The following RSPO2 variants were observed in gnomAD, a reference collection of about 807,000 sequenced individuals.
RSPO2 encodes the protein R-spondin 2.
In RSPO2, 14 loss-of-function variants were observed where a neutral mutation model predicts 30.9. The observed-to-expected ratio is 0.45, with a 90% confidence interval of 0.30 to 0.71. The LOEUF is 0.71. Among genes scored for constraint, RSPO2 ranks in the 30% least tolerant of loss-of-function variants. The probability of loss-of-function intolerance (pLI) is 0.08; values close to 1 mark genes in which losing one functional copy is unlikely to be tolerated. For missense variants in RSPO2, 264 were observed against 301.9 expected (o/e 0.87, Z 0.93); for synonymous variants, 107 against 96.4 (o/e 1.11, Z -0.64).
At chr8:107,995,162 T>G (rs974332276) in intron 2 of RSPO2, among the ~76,000 whole-genome samples, 7 of 152,144 alleles carry the variant, frequency 4.6e-5, no homozygotes, top group Non-Finnish European at 1.0e-4. Flanking sequence ...CTATCAACTG[T>G]TCTCTTTTAT....
At chr8:107,933,332 AAAGT>A (rs1812607782) in intron 5 of RSPO2, among the ~76,000 whole-genome samples, 1 of 152,226 alleles carries the variant, frequency 6.6e-6, no homozygotes, top group Non-Finnish European at 1.5e-5. Flanking sequence ...CAACTTTTGA[AAAGT>A]AACTGGCCAA....
At chr8:108,037,839 T>C (rs534358907) in intron 2 of RSPO2, among the ~76,000 whole-genome samples, 1 of 152,256 alleles carries the variant, frequency 6.6e-6, no homozygotes, top group African/African-American at 2.4e-5. Flanking sequence ...TACAGCATGG[T>C]TTACTGAAGG....
chr8:107,906,892 C>G (rs1246776938), intron 5 of RSPO2, among the ~76,000 whole-genome samples: 1 of 151,876 alleles, frequency 6.6e-6, no homozygotes, highest in Non-Finnish European at 1.5e-5. Flanking sequence ...ACATCCATCA[C>G]CTAATATGCT....
intron 2 of RSPO2, among the ~76,000 whole-genome samples, chr8:108,007,936 T>C (rs1230178554): frequency 6.6e-6 from 1 of 151,964 alleles, no homozygotes; most frequent in Non-Finnish European, 1.5e-5. Context: ...GAGCAACATT[T>C]TGAGACCCCG....
chr8:107,971,730 A>AT (rs1470246792), intron 3 of RSPO2, among the ~76,000 whole-genome samples: 6 of 152,130 alleles, frequency 3.9e-5, no homozygotes, highest in Non-Finnish European at 8.8e-5. Context: ...AAAAACACAC[A>AT]TTTTTCACGT....
At chr8:108,077,178 TAAAGA>T (rs1365535903) in intron 2 of RSPO2, among the ~76,000 whole-genome samples, 4 of 152,306 alleles carry the variant, frequency 2.6e-5, no homozygotes, top group African/African-American at 9.6e-5. Context: ...TTAATTTCTT[TAAAGA>T]AAAGAAAATC....
chr8:107,924,175 T>C (rs1450813452), intron 5 of RSPO2, among the ~76,000 whole-genome samples: 1 of 151,136 alleles, frequency 6.6e-6, no homozygotes, highest in East Asian at 1.9e-4. Context: ...AAACAAACCC[T>C]CACTAAAGGG....
At chr8:107,950,431 G>T (rs571508299) in intron 5 of RSPO2, among the ~76,000 whole-genome samples, 1 of 151,054 alleles carries the variant, frequency 6.6e-6, no homozygotes, top group African/African-American at 2.4e-5. Context: ...TCTTTTATTC[G>T]GGCCTGAGCT....
At chr8:107,973,431 T>C (rs546642586) in intron 3 of RSPO2, among the ~76,000 whole-genome samples, 2 of 152,032 alleles carry the variant, frequency 1.3e-5, no homozygotes, top group South Asian at 4.2e-4. Context: ...GTCTGCTTTA[T>C]GAAAGAAAAA....
At chr8:107,955,607 GA>G (rs1334881506) in intron 5 of RSPO2, among the ~76,000 whole-genome samples, 1 of 149,752 alleles carries the variant, frequency 6.7e-6, no homozygotes, top group East Asian at 2.0e-4. Context: ...AACAGTTAAG[GA>G]AAAACTAGGC....
At chr8:107,935,022 C>T (rs2130356758) in intron 5 of RSPO2, among the ~76,000 whole-genome samples, 1 of 152,224 alleles carries the variant, frequency 6.6e-6, no homozygotes, top group Admixed American at 6.5e-5. Flanking sequence ...TCTGGGCATC[C>T]AAAAGGAACA....
chr8:108,059,729 A>T (rs1812386505), intron 2 of RSPO2, among the ~76,000 whole-genome samples: 1 of 149,816 alleles, frequency 6.7e-6, no homozygotes, highest in Non-Finnish European at 1.5e-5. Flanking sequence ...GGAAATCATC[A>T]TTCTCAGTAA....
chr8:107,996,031 T>C (rs1413480017), intron 2 of RSPO2, among the ~76,000 whole-genome samples: 4 of 152,170 alleles, frequency 2.6e-5, no homozygotes, highest in African/African-American at 7.2e-5. Context: ...GTATCATTCT[T>C]AGTATCCTGA....
At chr8:107,989,290 G>A in intron 2 of RSPO2, 46 bp from the exon 3 acceptor site, 2 of 1,319,706 alleles carry the variant, frequency 1.5e-6, no homozygotes, top group Non-Finnish European at 2.1e-6. Flanking sequence ...AGTATAATCA[G>A]ATTTTTGGTA....
intron 5 of RSPO2, among the ~76,000 whole-genome samples, chr8:107,924,776 CAAAAAGGAAAGCAA>C: frequency 6.6e-6 from 1 of 151,148 alleles, no homozygotes; most frequent in East Asian, 2.0e-4. Flanking sequence ...TCTGGTTTTC[CAAAAAGGAAAGCAA>C]ATAAATTGTA....
At chr8:107,910,880 A>C (rs1268120525) in intron 5 of RSPO2, among the ~76,000 whole-genome samples, 1 of 152,164 alleles carries the variant, frequency 6.6e-6, no homozygotes, top group Non-Finnish European at 1.5e-5. Context: ...CAACATAGGG[A>C]GATCCCATCT....
chr8:107,951,055 TGTTGTTGTTGTTG>T (rs1563535646), intron 5 of RSPO2, among the ~76,000 whole-genome samples: 2 of 147,468 alleles, frequency 1.4e-5, no homozygotes, highest in Non-Finnish European at 1.5e-5. Flanking sequence ...TTTTTTTTGT[TGTTGTTGTTGTTG>T]TTGTTGTTGT....
At chr8:107,978,649 G>T (rs971289487) in intron 3 of RSPO2, among the ~76,000 whole-genome samples, 1 of 152,116 alleles carries the variant, frequency 6.6e-6, no homozygotes, top group Admixed American at 6.5e-5. Flanking sequence ...AACACCAAAA[G>T]CAATGGCAAC....
intron 5 of RSPO2, among the ~76,000 whole-genome samples, chr8:107,924,192 T>G (rs1193681027): frequency 6.6e-6 from 1 of 151,916 alleles, no homozygotes; most frequent in Non-Finnish European, 1.5e-5. Flanking sequence ...AGGGAGCATC[T>G]GAAGATGTGC....
Sources: gnomAD v4.1 joint callset for allele counts (sites outside exome capture counted in the v4.1 genomes callset) on GRCh38, gnomAD v4.1.1 for gene constraint, MANE v1.5 for transcripts, NCBI Gene and HGNC (gene_info 2026-07-23, HGNC 2026-07-21) for gene names.